Variants in PPP1R12B observed in about 807,000 individuals in gnomAD.
PPP1R12B encodes myosin phosphatase target subunit 2.
PPP1R12B carries 76 observed loss-of-function variants against 126.1 expected under a neutral mutation model. That is an observed-to-expected ratio of 0.60 (90% CI 0.50 to 0.73). The LOEUF is 0.73. Among genes scored for constraint, PPP1R12B ranks in the 30% least tolerant of loss-of-function variants. The probability of loss-of-function intolerance (pLI) is 0.00; values close to 1 mark genes in which losing one functional copy is unlikely to be tolerated. For missense variants in PPP1R12B, 1,052 were observed against 1,205.1 expected (o/e 0.87, Z 1.88); for synonymous variants, 356 against 434.7 (o/e 0.82, Z 2.25).
chr1:202,472,002 C>T (rs1438954185), intron 13 of PPP1R12B: 1 of 1,595,864 alleles, frequency 6.3e-7, no homozygotes, highest in Non-Finnish European at 8.5e-7. Context: ...TTTATAGCAT[C>T]CTGGGCATTT....
chr1:202,547,321 C>T (rs899119784), intron 18 of PPP1R12B, among the ~76,000 whole-genome samples: 4 of 152,122 alleles, frequency 2.6e-5, no homozygotes, highest in African/African-American at 9.7e-5. Context: ...TCTTTTAAGC[C>T]TCTTTTTTAT....
intron 1 of PPP1R12B, among the ~76,000 whole-genome samples, chr1:202,384,532 A>G (rs1252579732): frequency 1.3e-5 from 2 of 152,206 alleles, no homozygotes; most frequent in Non-Finnish European, 2.9e-5. Flanking sequence ...GTAAATTAAT[A>G]GTTGCTAAGG....
chr1:202,399,732 G>A (rs1318308282), intron 1 of PPP1R12B, among the ~76,000 whole-genome samples: 1 of 151,990 alleles, frequency 6.6e-6, no homozygotes, highest in Non-Finnish European at 1.5e-5. Flanking sequence ...TCCTGACCTC[G>A]TGATTTGCTT....
intron 1 of PPP1R12B, among the ~76,000 whole-genome samples, chr1:202,379,485 C>T (rs745750509): frequency 1.3e-4 from 20 of 152,190 alleles, no homozygotes; most frequent in Non-Finnish European, 2.6e-4. Flanking sequence ...ACTGAGTTAC[C>T]AGGACTTGTC....
chr1:202,443,801 G>A (rs138303076), intron 12 of PPP1R12B, among the ~76,000 whole-genome samples: 1 of 152,354 alleles, frequency 6.6e-6, no homozygotes, highest in African/African-American at 2.4e-5. Flanking sequence ...TCCAGGCATG[G>A]AGTTATTCTG....
intron 1 of PPP1R12B, among the ~76,000 whole-genome samples, chr1:202,353,586 T>TCTTTG (rs369701976): frequency 1.7e-5 from 2 of 120,814 alleles, no homozygotes; most frequent in East Asian, 2.3e-4. Flanking sequence ...TTCTTCTTCT[T>TCTTTG]TGTGTGTGTG....
At chr1:202,547,458 G>T (rs940089462) in intron 18 of PPP1R12B, among the ~76,000 whole-genome samples, 31 of 152,266 alleles carry the variant, frequency 2.0e-4, no homozygotes, top group African/African-American at 7.0e-4. Context: ...TTCTACCAGT[G>T]ACATGATTAG....
intron 18 of PPP1R12B, among the ~76,000 whole-genome samples, chr1:202,525,044 A>T (rs1432089839): frequency 2.6e-5 from 4 of 152,022 alleles, no homozygotes; most frequent in Admixed American, 6.5e-5. Flanking sequence ...ACACCCGGCT[A>T]ATTTTTGTAT....
chr1:202,496,366 C>A (rs1429275381), intron 17 of PPP1R12B, among the ~76,000 whole-genome samples: 1 of 152,190 alleles, frequency 6.6e-6, no homozygotes, highest in Non-Finnish European at 1.5e-5. Flanking sequence ...ACCCTGCCTA[C>A]CAATGACTCC....
Position 202,565,898 on chromosome 1 carries a change from C to CA in PPP1R12B, c.2757+1365dup, listed in dbSNP as rs74768813. On this transcript the variant is annotated intron_variant, in intron 21 of 23. Transcript: ENST00000608999. The surrounding 1 kb of genome is among the most constrained non-coding windows in gnomAD (Gnocchi z 4.3). ...CTCACTCCAACATTATTGAGCCAGG[C>CA]AAAAAAAAAAAAAAGTCTCATTCAC... 1.4e-3 allele frequency among the ~76,000 whole-genome samples: 158 copies of CA among 116,032 alleles called. 1 individual carries two copies. The highest frequency in any genetic ancestry group is 9.3e-3 in the Middle Eastern group (2 of 214). 76.1% of individuals were successfully genotyped at this position (116,032 alleles called of 152,430 possible).
At chr1:202,393,212 C>T (rs147024819) in intron 1 of PPP1R12B, among the ~76,000 whole-genome samples, 82 of 152,068 alleles carry the variant, frequency 5.4e-4, no homozygotes, top group Middle Eastern at 3.4e-3. Flanking sequence ...TCTCCCAAAG[C>T]GCTGGGATTA....
rs1689489336 is a variant in PPP1R12B at position 202,580,526 on chromosome 1, C to A, written c.2915C>A (p.Ala972Asp). The A allele has an allele frequency of 3.7e-6, 6 of 1,613,960 alleles. No individual in the cohort carries two copies. Among genetic ancestry groups the A allele is most frequent in the Non-Finnish European group, 5.1e-6 (6 of 1,179,844 alleles). The change falls in exon 24 of 24, where the codon GCC (alanine) becomes GAC (aspartate). Residue 972 changes from alanine to aspartate, a missense_variant. Ala to Asp is a moderately radical substitution (Grantham distance 126). Transcript: ENST00000608999. Reference protein sequence around the residue: ...DNQRLKDENGALIRVISKLSK With the variant: ...DNQRLKDENGDLIRVISKLSK ...CAGAGGCTGAAAGATGAAAATGGTGCCCTCATCAGAGTCATCAGCAAACTG... is the reference window on the plus strand; with the variant it reads ...CAGAGGCTGAAAGATGAAAATGGTGACCTCATCAGAGTCATCAGCAAACTG...
At chr1:202,356,459 A>T (rs1014804000) in intron 1 of PPP1R12B, among the ~76,000 whole-genome samples, 3 of 152,132 alleles carry the variant, frequency 2.0e-5, no homozygotes, top group Admixed American at 2.0e-4. Context: ...GTGCCCCAAA[A>T]ATGTCTAAGT....
At chr1:202,540,316 G>A (rs1684990406) in intron 18 of PPP1R12B, 8 of 1,270,062 alleles carry the variant, frequency 6.3e-6, no homozygotes, top group Non-Finnish European at 8.7e-6. Flanking sequence ...ATAACTTGGG[G>A]CATTAGGTTT....
Position 202,484,715 on chromosome 1 carries a change from C to T in PPP1R12B, c.1851-3818C>T, listed in dbSNP as rs554891035. On this transcript the variant is annotated intron_variant, in intron 13 of 23. Transcript: ENST00000608999. ...TCAGCTTTTGCTTGTCTGGGAAGGT[C>T]TTTATTTTTCCTTCATTGGTGGTTG... Among the ~76,000 whole-genome samples, 13 of 152,238 alleles carry T rather than the reference C, an allele frequency of 8.5e-5. No homozygotes were observed. In the South Asian group the frequency reaches 2.7e-3, roughly 32 times the overall value.
intron 18 of PPP1R12B, among the ~76,000 whole-genome samples, chr1:202,528,757 A>G (rs532621284): frequency 8.9e-4 from 133 of 149,544 alleles, no homozygotes; most frequent in Admixed American, 2.4e-3. Flanking sequence ...GTTTTTTTTT[A>G]CATATATACA....
intron 13 of PPP1R12B, among the ~76,000 whole-genome samples, chr1:202,450,346 G>A (rs985499702): frequency 6.6e-6 from 1 of 152,220 alleles, no homozygotes; most frequent in Non-Finnish European, 1.5e-5. Context: ...TAAGGTAGAA[G>A]CTAAGAAAAA....
chr1:202,374,957 T>G (rs1660929071), intron 1 of PPP1R12B, among the ~76,000 whole-genome samples: 1 of 152,176 alleles, frequency 6.6e-6, no homozygotes, highest in African/African-American at 2.4e-5. Context: ...TTTCTTTTTT[T>G]CTTTAGACAG....
intron 1 of PPP1R12B, among the ~76,000 whole-genome samples, chr1:202,359,310 A>G (rs1399973002): frequency 1.3e-5 from 2 of 151,942 alleles, no homozygotes; most frequent in Non-Finnish European, 2.9e-5. Context: ...TTGTATTTTT[A>G]GTAGAGACAG....
Sources: gnomAD v4.1 joint callset for allele counts (sites outside exome capture counted in the v4.1 genomes callset) on GRCh38, gnomAD v4.1.1 for gene constraint, Gnocchi (gnomAD v3.1) non-coding constraint, MANE v1.5 for transcripts, NCBI Gene and HGNC (gene_info 2026-07-23, HGNC 2026-07-21) for gene names.